Variants in KIRREL3 observed in about 807,000 individuals in gnomAD.
KIRREL3 encodes the protein kirre like nephrin family adhesion molecule 3.
In KIRREL3, 36 loss-of-function variants were observed where a neutral mutation model predicts 89.7. That is an observed-to-expected ratio of 0.40 (90% CI 0.31 to 0.53). The LOEUF is 0.53. KIRREL3 is among the 20% of genes least tolerant of loss of function. The probability of loss-of-function intolerance (pLI) is 0.49; values close to 1 mark genes in which losing one functional copy is unlikely to be tolerated. For missense variants in KIRREL3, 864 were observed against 1,056.6 expected, an observed-to-expected ratio of 0.82 and a Z score of 2.53; for synonymous variants, 445 against 441.4, an observed-to-expected ratio of 1.01 and a Z score of -0.10.
In KIRREL3 at chr11:126,655,961, G is replaced by C. The variant is rs1218835104; in HGVS notation, c.56-93049C>G. On this transcript the variant is annotated intron_variant, in intron 1 of 16. Coordinates refer to ENST00000525144, the MANE Select transcript of KIRREL3 (RefSeq NM_032531.4). The surrounding 1 kb of genome is among the most constrained non-coding windows in gnomAD (Gnocchi z 5.0). The stretch of plus-strand genomic sequence containing the variant: ...TGATGAAACACTGTTGAATCTAAAA[G>C]GTGGGTGGGGCTGAAGGAGGGGTGG... 2 of 263,318 alleles carry C rather than the reference G, an allele frequency of 7.6e-6. No individual in the cohort carries two copies. The highest frequency in any genetic ancestry group is 1.6e-5 in the Non-Finnish European group (2 of 128,804). The allele number at this position is 263,318 out of a possible 1,614,324, so 16.3% of individuals were successfully genotyped here. A position where few individuals can be genotyped will look rare whatever the true frequency, so the allele number is the denominator to read the frequency against.
At chr11:126,910,706 A>G (rs1219957441) in intron 1 of KIRREL3, among the ~76,000 whole-genome samples, 1 of 152,224 alleles carries the variant, frequency 6.6e-6, no homozygotes, top group Admixed American at 6.5e-5. Context: ...CAGCTGGACT[A>G]GGGTTCAAAC....
At chr11:126,884,061 A>G (rs1290042163) in intron 1 of KIRREL3, among the ~76,000 whole-genome samples, 1 of 152,212 alleles carries the variant, frequency 6.6e-6, no homozygotes, top group Non-Finnish European at 1.5e-5. Flanking sequence ...TTAACACTCT[A>G]TGAGGCATTG....
chr11:126,747,520 A>T lies in KIRREL3; in HGVS notation c.56-184608T>A, dbSNP rs1427462945. ...TAGAAAACTCCTATTCATCCATCAAAGGCCTGCTCACATGTTCCCTCTCTG... is the reference window on the plus strand; with the variant it reads ...TAGAAAACTCCTATTCATCCATCAATGGCCTGCTCACATGTTCCCTCTCTG... On this transcript the variant is annotated intron_variant, in intron 1 of 16. Transcript: ENST00000525144. This position sits in a 1 kb window ranked among gnomAD's most constrained non-coding sequence, Gnocchi z 4.7. Among the ~76,000 whole-genome samples the T allele has an allele frequency of 6.6e-6, 1 of 151,114 alleles. No individual in the cohort carries two copies. The highest frequency in any genetic ancestry group is 1.5e-5 in the Non-Finnish European group (1 of 67,842).
intron 1 of KIRREL3, among the ~76,000 whole-genome samples, chr11:126,815,762 C>G (rs1951551221): frequency 6.6e-6 from 1 of 152,134 alleles, no homozygotes; most frequent in Non-Finnish European, 1.5e-5. Flanking sequence ...GTCTCGATCT[C>G]CTGACCTCGT....
intron 7 of KIRREL3, among the ~76,000 whole-genome samples, chr11:126,451,606 G>C (rs1218297459): frequency 1.3e-5 from 2 of 151,020 alleles, no homozygotes; most frequent in Admixed American, 6.6e-5. Flanking sequence ...GTGTGAGCAT[G>C]TGCATGTGTG....
chr11:126,625,488 C>T (rs990440083), intron 1 of KIRREL3, among the ~76,000 whole-genome samples: 3 of 152,180 alleles, frequency 2.0e-5, no homozygotes, highest in African/African-American at 7.2e-5. Context: ...ATTCATTCTC[C>T]ATACTGCTGC....
Position 126,676,423 on chromosome 11 carries a change from C to T in KIRREL3, c.56-113511G>A, listed in dbSNP as rs1946191082. The stretch of plus-strand genomic sequence containing the variant: ...CTACCCTGGGGCCTCTCTAGTCCCC[C>T]AGGGCCACTGGGCTGGCTCTGCAGT... On this transcript the variant is annotated intron_variant, in intron 1 of 16. Transcript: ENST00000525144. The surrounding 1 kb of genome is among the most constrained non-coding windows in gnomAD (Gnocchi z 4.5). Among the ~76,000 whole-genome samples, 1 of 152,168 alleles carries T rather than the reference C, an allele frequency of 6.6e-6. No individual in the cohort carries two copies.
rs1957625401 is a variant in KIRREL3, at chr11:126,495,203, G to A, written c.434-21737C>T. 1.3e-5 allele frequency among the ~76,000 whole-genome samples: 2 copies of A among 152,188 alleles called. No homozygotes were observed. Among genetic ancestry groups the A allele is most frequent in the African/African-American group, 4.8e-5 (2 of 41,454 alleles). On this transcript the variant is annotated intron_variant, in intron 4 of 16. Coordinates refer to ENST00000525144, the MANE Select transcript of KIRREL3 (RefSeq NM_032531.4). This position sits in a 1 kb window ranked among gnomAD's most constrained non-coding sequence, Gnocchi z 6.5. ...CAGATGGAGGAGGACACTTAGGGCA[G>A]GGCCTGCAAACTGGCTCTTCCTTGC...
intron 1 of KIRREL3, among the ~76,000 whole-genome samples, chr11:126,698,347 C>T (rs1397497094): frequency 6.6e-6 from 1 of 152,208 alleles, no homozygotes; most frequent in Non-Finnish European, 1.5e-5. Context: ...ATCCCTCTCC[C>T]AGGCCTGCTA....
At chr11:126,630,609 C>G (rs1364657939) in intron 1 of KIRREL3, among the ~76,000 whole-genome samples, 1 of 152,184 alleles carries the variant, frequency 6.6e-6, no homozygotes, top group Admixed American at 6.5e-5. Flanking sequence ...CAATGACTTA[C>G]CTCTTACCTC....
rs1194153114 is a variant in KIRREL3 at position 126,430,028 on chromosome 11, G to A, written c.1697-740C>T. Among the ~76,000 whole-genome samples, 1 of 152,046 alleles carries A rather than the reference G, an allele frequency of 6.6e-6. No homozygotes were observed. Among genetic ancestry groups the A allele is most frequent in the Non-Finnish European group, 1.5e-5 (1 of 68,010 alleles). On this transcript the variant is annotated intron_variant, in intron 14 of 16. Transcript: ENST00000525144. This position sits in a 1 kb window ranked among gnomAD's most constrained non-coding sequence, Gnocchi z 6.6. ...TGGGTGCCTGTAATGCCAGCTACTCGGGAGGCTGAGCATGAGACTCGCTTG... is the reference window on the plus strand; with the variant it reads ...TGGGTGCCTGTAATGCCAGCTACTCAGGAGGCTGAGCATGAGACTCGCTTG...
chr11:126,820,143 C>A (rs1021955847), intron 1 of KIRREL3, among the ~76,000 whole-genome samples: 1 of 152,150 alleles, frequency 6.6e-6, no homozygotes, highest in African/African-American at 2.4e-5. Context: ...CTGCCCCATT[C>A]ATTTTGTTCA....
In KIRREL3 at chr11:126,609,399, A is replaced by G. The variant is rs528642956; in HGVS notation, c.56-46487T>C. Among the ~76,000 whole-genome samples, 1 of 152,194 alleles carries G rather than the reference A, an allele frequency of 6.6e-6. No homozygotes were observed. Among genetic ancestry groups the G allele is most frequent in the Non-Finnish European group, 1.5e-5 (1 of 68,040 alleles). On this transcript the variant is annotated intron_variant, in intron 1 of 16. Coordinates refer to ENST00000525144, the MANE Select transcript of KIRREL3 (RefSeq NM_032531.4). The surrounding 1 kb of genome is among the most constrained non-coding windows in gnomAD (Gnocchi z 5.0). ...CCTTTCGTCTCTCCTGAGTATGACA[A>G]CTGTGGTTAAGCAACCAGAGTTATT...
intron 16 of KIRREL3, 128 bp from the exon 17 acceptor site, chr11:126,425,151 T>C (rs764065218): frequency 1.4e-4 from 117 of 829,334 alleles, no homozygotes; most frequent in Non-Finnish European, 2.0e-4. Flanking sequence ...GGGAGCAACC[T>C]GGTAGGGAGC....
chr11:126,886,675 T>C (rs1163910555), intron 1 of KIRREL3, among the ~76,000 whole-genome samples: 1 of 152,162 alleles, frequency 6.6e-6, no homozygotes, highest in African/African-American at 2.4e-5. Flanking sequence ...TATTGAACAG[T>C]TGGGATGGAG....
rs896277044 is a variant in KIRREL3, at chr11:126,876,519, G to A, written c.55+123936C>T. 1.4e-4 allele frequency among the ~76,000 whole-genome samples: 21 copies of A among 149,828 alleles called. No homozygotes were observed. Among genetic ancestry groups the A allele is most frequent in the Non-Finnish European group, 2.4e-4 (16 of 67,786 alleles). On this transcript the variant is annotated intron_variant, in intron 1 of 16. Coordinates refer to ENST00000525144, the MANE Select transcript of KIRREL3 (RefSeq NM_032531.4). The surrounding 1 kb of genome is among the most constrained non-coding windows in gnomAD (Gnocchi z 4.1). ...CACCTATCCTAGTGCTTGGCTTACAGTACATACTCATAAATATGCTTTTTT... is the reference window on the plus strand; with the variant it reads ...CACCTATCCTAGTGCTTGGCTTACAATACATACTCATAAATATGCTTTTTT...
Position 126,719,901 on chromosome 11 carries a change from G to A in KIRREL3, c.56-156989C>T, listed in dbSNP as rs1354738382. On this transcript the variant is annotated intron_variant, in intron 1 of 16. Transcript: ENST00000525144. The surrounding 1 kb of genome is among the most constrained non-coding windows in gnomAD (Gnocchi z 4.7). The stretch of plus-strand genomic sequence containing the variant: ...GCCACAGCCATCCTTACGCAATGTA[G>A]CAATGTCAGTTGGATCTGATCGCTC... Among the ~76,000 whole-genome samples the A allele has an allele frequency of 6.6e-6, 1 of 152,160 alleles. No homozygotes were observed. The highest frequency in any genetic ancestry group is 1.5e-5 in the Non-Finnish European group (1 of 68,022).
chr11:126,552,852 C>T (rs980690624), intron 2 of KIRREL3, among the ~76,000 whole-genome samples: 2 of 151,384 alleles, frequency 1.3e-5, no homozygotes, highest in African/African-American at 4.9e-5. Context: ...CGTGAGCCAC[C>T]GTGCCAGGCC....
At chr11:126,546,185 C>T (rs1216332647) in intron 2 of KIRREL3, among the ~76,000 whole-genome samples, 1 of 152,204 alleles carries the variant, frequency 6.6e-6, no homozygotes, top group African/African-American at 2.4e-5. Context: ...AATAATAACA[C>T]TTCCCACTTG....
Sources: allele counts gnomAD v4.1 joint callset (sites outside exome capture counted in the v4.1 genomes callset), GRCh38; gene constraint gnomAD v4.1.1; non-coding constraint Gnocchi (gnomAD v3.1); transcripts MANE v1.5; gene names NCBI Gene and HGNC (gene_info 2026-07-23, HGNC 2026-07-21).